LILRB2: variants seen among roughly 807,000 people sequenced by gnomAD.
LILRB2 encodes the protein leukocyte immunoglobulin like receptor B2.
In LILRB2, 47 loss-of-function variants were observed where a neutral mutation model predicts 72.7. The ratio of observed to expected loss-of-function variants is 0.65; its 90% CI spans 0.51 to 0.82. The LOEUF (loss-of-function observed/expected upper bound fraction) is 0.82, where lower values mean the gene tolerates loss of function less well. Among genes scored for constraint, LILRB2 ranks in the 40% least tolerant of loss-of-function variants. LILRB2 has a pLI of 0.00. For synonymous variants in LILRB2, 279 were observed against 313.7 expected (o/e 0.89, Z 1.17); for missense variants, 767 against 764.8 (o/e 1.00, Z -0.03).
rs758695722 is a variant in LILRB2, at chr19:54,279,805, A to T, written c.341T>A (p.Val114Glu). 30 of 1,613,858 alleles carry T rather than the reference A, an allele frequency of 1.9e-5. No individual in the cohort carries two copies. Among genetic ancestry groups the T allele is most frequent in the Admixed American group, 3.3e-5 (2 of 59,990 alleles). The change falls in exon 4 of 14, where the codon GTG becomes GAG. Residue 114 changes from valine (V) to glutamate (E), a missense_variant. Val to Glu is a moderately radical substitution (Grantham distance 121, BLOSUM62 -2). Coordinates refer to ENST00000314446, the MANE Select transcript of LILRB2 (RefSeq NM_001080978.4). Reference protein sequence around the residue: ...ARWSELSDPLVLVMTGAYPKP... With the variant: ...ARWSELSDPLELVMTGAYPKP... ...TGTCCTCTCACCTGTCATCACCAGC[A>T]CCAGGGGGTCACTGAGCTCAGACCA...
At chr19:54,278,773 A>G (rs776504992) in intron 6 of LILRB2, 39 bp downstream of exon 6, 98 of 1,596,922 alleles carry the variant, frequency 6.1e-5, no homozygotes, top group African/African-American at 1.2e-4. Flanking sequence ...GGGCCTGTGC[A>G]GAGTCTGGGT....
At chr19:54,280,346 A>G (rs2080493618) in intron 2 of LILRB2, 47 bp from the exon 3 acceptor site, 10 of 1,614,160 alleles carry the variant, frequency 6.2e-6, no homozygotes, top group South Asian at 1.1e-5. Flanking sequence ...AAGCCTGAGC[A>G]GGTCCTCCCC....
chr19:54,277,995 C>G (rs2080326477), intron 7 of LILRB2, 56 bp from the exon 8 acceptor site: 1 of 1,351,760 alleles, frequency 7.4e-7, no homozygotes, highest in South Asian at 1.5e-5. Flanking sequence ...AAGTCTCCAC[C>G]TCAAACCAAA....
At chr19:54,279,770 G>A (rs1405747692) in intron 4 of LILRB2, 21 bp downstream of exon 4, 2 of 1,613,192 alleles carry the variant, frequency 1.2e-6, no homozygotes, top group Middle Eastern at 1.7e-4. Flanking sequence ...CTGGGGCTGG[G>A]ATCCCTGAGT....
chr19:54,275,408 C>T (rs1356980453), intron 13 of LILRB2: 3 of 499,470 alleles, frequency 6.0e-6, no homozygotes, highest in Non-Finnish European at 7.7e-6. Flanking sequence ...GCTGAGCAGA[C>T]AGCCCTCCCC....
rs762289174 is a variant in LILRB2 at position 54,276,441 on chromosome 19, T to A, written c.1496A>T (p.Asp499Val). 2 of 1,593,884 alleles carry A rather than the reference T, an allele frequency of 1.3e-6. No individual in the cohort carries two copies. Among genetic ancestry groups the A allele is most frequent in the East Asian group, 4.5e-5 (2 of 44,350 alleles). The change falls in exon 11 of 14, where the codon GAT (aspartate) becomes GTT (valine). Residue 499 changes from aspartate to valine, a missense_variant. By Grantham distance (152) the Asp-to-Val change is radical (BLOSUM62 -3). Transcript: ENST00000314446. ...KHWTSTQRKA[D>V]FQHPAGAVGP... ...CACAGCCCCTGCAGGATGTTGGAAA[T>A]CAGCCTTTCTCTGGGCTGGGGGAAG...
intron 7 of LILRB2, 26 bp from the exon 8 acceptor site, chr19:54,277,965 G>A (rs1441361049): frequency 7.9e-5 from 116 of 1,472,514 alleles, no homozygotes; most frequent in Non-Finnish European, 9.7e-5. Context: ...AGAGGAGGGT[G>A]AGGAGCTGGG....
rs748169447 is a variant in LILRB2 at position 54,278,922 on chromosome 19, G to A, written c.845C>T (p.Thr282Ile). Reference protein sequence around the residue: ...PQAGLSQANFTLGPVSRSYGG... With the variant: ...PQAGLSQANFILGPVSRSYGG... ...GTAGGAGCGGCTCACAGGGCCCAGG[G>A]TGAAGTTGGCCTGGGAGAGCCCAGC... The change falls in exon 6 of 14, where the codon ACC (threonine) becomes ATC (isoleucine). Residue 282 changes from threonine (T) to isoleucine (I), a missense_variant. Coordinates refer to ENST00000314446, the MANE Select transcript of LILRB2 (RefSeq NM_001080978.4). 6.2e-7 allele frequency: 1 copy of A among 1,614,192 alleles called. No individual in the cohort carries two copies. Among genetic ancestry groups the A allele is most frequent in the South Asian group, 1.1e-5 (1 of 91,092 alleles).
intron 9 of LILRB2, 186 bp downstream of exon 9, chr19:54,277,364 G>C: frequency 8.3e-7 from 1 of 1,204,270 alleles, no homozygotes; most frequent in East Asian, 2.6e-5. Context: ...GTCACAGCTG[G>C]GAGTGAGAGC....
chr19:54,277,231 C>G, intron 9 of LILRB2: 2 of 1,537,108 alleles, frequency 1.3e-6, no homozygotes, highest in Non-Finnish European at 1.8e-6. Context: ...CCTTACCGTC[C>G]TGAACCACGA....
rs143879306 is a variant in LILRB2, at chr19:54,279,460, G to A, written c.543C>T (p.Phe181=). 3.8e-3 allele frequency: 6,189 copies of A among 1,614,206 alleles called. 8 individuals carry two copies. The highest frequency in any genetic ancestry group is 7.9e-3 in the Middle Eastern group (48 of 6,062). The change falls in exon 5 of 14, where the codon TTC becomes TTT. Residue 181 remains phenylalanine, a synonymous_variant. Transcript: ENST00000314446. ...GATTCGGGCTCACGGGGCCCACGGA[G>A]AAGATGGCGCGGGACGACCCACGGG... ...PHARGSSRAI[F]SVGPVSPNRR... is the part of the protein sequence containing the mutation.
At chr19:54,280,117 C>T in intron 3 of LILRB2, 42 bp from the exon 4 acceptor site, 1 of 1,610,840 alleles carries the variant, frequency 6.2e-7, no homozygotes, top group Non-Finnish European at 8.5e-7. Context: ...CATTTCCCAC[C>T]CAACAGATCT....
rs529898382 is a variant in LILRB2 at position 54,275,463 on chromosome 19, C to T, written c.1647+488G>A. On this transcript the variant is annotated intron_variant, in intron 13 of 13. Transcript: ENST00000314446. ...ACTGCCCCACACTCTCTGCCCTTTC[C>T]CTGGTGTATGTTCCTTTAAGCACGT... 9.2e-4 allele frequency: 479 copies of T among 522,974 alleles called. 8 individuals are homozygous for T. Among genetic ancestry groups the T allele is most frequent in the South Asian group, 4.2e-3 (267 of 62,956 alleles). The allele number at this position is 522,974 out of a possible 1,614,324, so 32.4% of individuals were successfully genotyped here.
chr19:54,278,720 C>T (rs375055597), intron 6 of LILRB2, 92 bp downstream of exon 6: 2 of 1,558,978 alleles, frequency 1.3e-6, no homozygotes, highest in African/African-American at 1.4e-5. Context: ...TTGGGACCAC[C>T]CCCCGCCTCA....
In LILRB2 at chr19:54,280,574, T is replaced by C; in HGVS notation, c.-48-30A>G. The C allele has an allele frequency of 5.1e-6, 8 of 1,572,860 alleles. No individual in the cohort carries two copies. The South Asian group carries it at 8.9e-5, about 17-fold the overall frequency. ...CGGGACAGAGACACACAGAGAGAAA[T>C]AGCCTCCCCTCCTTCCCACCCTGTG... is the stretch of plus-strand genomic sequence containing the variant. On this transcript the variant is annotated intron_variant, in intron 1 of 13. Coordinates refer to ENST00000314446, the MANE Select transcript of LILRB2 (RefSeq NM_001080978.4).
chr19:54,279,238 C>G (rs1376618643), intron 5 of LILRB2, 107 bp downstream of exon 5: 3 of 1,540,420 alleles, frequency 1.9e-6, no homozygotes, highest in Non-Finnish European at 1.8e-6. Flanking sequence ...AGCCCTCTCG[C>G]CCCAACATCA....
At chr19:54,278,605 C>G in intron 6 of LILRB2, 43 bp from the exon 7 acceptor site, 1 of 1,607,736 alleles carries the variant, frequency 6.2e-7, no homozygotes, top group Non-Finnish European at 8.5e-7. Context: ...CCACCTTGCT[C>G]TGAGCTGAGA....
Position 54,276,728 on chromosome 19 carries a change from C to T in LILRB2, c.1480+79G>A, listed in dbSNP as rs1159950164. ...GAACAGTTTCTCAAAGCTGCATTTGCCCAGTGGTTTGGATTCTCTTTGGCT... is the reference window on the plus strand; with the variant it reads ...GAACAGTTTCTCAAAGCTGCATTTGTCCAGTGGTTTGGATTCTCTTTGGCT... On this transcript the variant is annotated intron_variant, in intron 10 of 13. Coordinates refer to ENST00000314446, the MANE Select transcript of LILRB2 (RefSeq NM_001080978.4). The T allele has an allele frequency of 1.2e-5, 19 of 1,548,666 alleles. No individual in the cohort carries two copies. The African/African-American group carries it at 1.2e-4, about 10-fold the overall frequency.
At chr19:54,278,782 G>A in intron 6 of LILRB2, 30 bp downstream of exon 6, 1 of 1,610,224 alleles carries the variant, frequency 6.2e-7, no homozygotes, top group South Asian at 1.1e-5. Flanking sequence ...CAGAGTCTGG[G>A]TCCCTGACTG....
Sources: allele counts gnomAD v4.1 joint callset, GRCh38; gene constraint gnomAD v4.1.1; transcripts MANE v1.5; gene names NCBI Gene and HGNC (gene_info 2026-07-23, HGNC 2026-07-21).